The following MYO16 variants were observed in gnomAD, a reference collection of about 807,000 sequenced individuals.
The protein encoded by MYO16 is unconventional myosin-XVI.
Under a neutral mutation model 205.3 loss-of-function variants are expected in MYO16, and 94 were observed. The observed-to-expected ratio is 0.46, with a 90% CI of 0.39 to 0.54. The LOEUF (loss-of-function observed/expected upper bound fraction) is 0.54. Ranked by LOEUF, MYO16 falls within the 20% of genes least tolerant of loss-of-function variation. The pLI is 0.00. For synonymous variants in MYO16, 988 were observed against 954.0 expected (o/e 1.04, Z -0.66); for missense variants, 2,315 against 2,387.5 (o/e 0.97, Z 0.63).
intron 23 of MYO16, among the ~76,000 whole-genome samples, chr13:109,036,561 C>G (rs1886723906): frequency 6.6e-6 from 1 of 152,192 alleles, no homozygotes; most frequent in Non-Finnish European, 1.5e-5. Context: ...TTGGCATCCA[C>G]ACTGGAGCAT....
chr13:109,033,367 C>T (rs1020309500), intron 23 of MYO16, among the ~76,000 whole-genome samples: 1 of 152,154 alleles, frequency 6.6e-6, no homozygotes, highest in Non-Finnish European at 1.5e-5. Flanking sequence ...CCCTTTGCCT[C>T]GATCTGTCAG....
chr13:109,054,973 C>A, intron 25 of MYO16, 73 bp from the exon 26 acceptor site: 1 of 957,744 alleles, frequency 1.0e-6, no homozygotes. Flanking sequence ...TTCCTCCCTC[C>A]TTTTCCTCCT....
At chr13:108,826,752 A>G (rs1876291621) in intron 9 of MYO16, among the ~76,000 whole-genome samples, 1 of 152,214 alleles carries the variant, frequency 6.6e-6, no homozygotes, top group Middle Eastern at 3.2e-3. Context: ...AGAAGATACA[A>G]TCATAGCCCA....
intron 2 of MYO16, among the ~76,000 whole-genome samples, chr13:108,668,042 A>C (rs1214535342): frequency 6.6e-6 from 1 of 152,186 alleles, no homozygotes; most frequent in Non-Finnish European, 1.5e-5. Flanking sequence ...TGTCTCAAAA[A>C]CACTTCTTTT....
chr13:108,939,793 A>C (rs776037528), intron 16 of MYO16, among the ~76,000 whole-genome samples: 1 of 152,208 alleles, frequency 6.6e-6, no homozygotes, highest in Non-Finnish European at 1.5e-5. Flanking sequence ...TATCAATATA[A>C]GACACTGTGT....
intron 12 of MYO16, among the ~76,000 whole-genome samples, chr13:108,878,659 C>T (rs1336660026): frequency 6.6e-6 from 1 of 152,212 alleles, no homozygotes; most frequent in Non-Finnish European, 1.5e-5. Context: ...CCATGGACAG[C>T]AAAGCTAAAA....
intron 1 of MYO16, among the ~76,000 whole-genome samples, chr13:108,648,471 C>A: frequency 6.6e-6 from 1 of 152,104 alleles, no homozygotes; most frequent in South Asian, 2.1e-4. Flanking sequence ...GAAGAATTGA[C>A]TGACTGAAGG....
intron 7 of MYO16, among the ~76,000 whole-genome samples, chr13:108,813,443 A>G (rs937086828): frequency 2.0e-5 from 3 of 152,130 alleles, no homozygotes; most frequent in African/African-American, 7.2e-5. Context: ...ATTAAATTAA[A>G]TCAATCATTT....
chr13:108,539,869 G>A, the MYO16 span, among the ~76,000 whole-genome samples: 1 of 152,068 alleles, frequency 6.6e-6, no homozygotes, highest in South Asian at 2.1e-4. Flanking sequence ...GGGAGGAAAT[G>A]CACTTCTCTT....
chr13:108,527,450 C>T, the MYO16 span, among the ~76,000 whole-genome samples: 2 of 152,146 alleles, frequency 1.3e-5, no homozygotes, highest in African/African-American at 4.8e-5. Flanking sequence ...AAATTATTTG[C>T]ATGACTCCTT....
chr13:108,545,572 C>T, the MYO16 span, among the ~76,000 whole-genome samples: 4 of 152,206 alleles, frequency 2.6e-5, no homozygotes, highest in African/African-American at 7.2e-5. Context: ...TCACACATTG[C>T]CAAACTGCTT....
chr13:108,875,163 A>G (rs1227880811), intron 12 of MYO16, among the ~76,000 whole-genome samples: 1 of 152,194 alleles, frequency 6.6e-6, no homozygotes. Flanking sequence ...ATGAGCTAAA[A>G]TGGAGTGTTT....
intron 10 of MYO16, among the ~76,000 whole-genome samples, chr13:108,853,795 A>G (rs1878014568): frequency 6.6e-6 from 1 of 151,972 alleles, no homozygotes; most frequent in African/African-American, 2.4e-5. Context: ...TTAGTTTTTA[A>G]TAAGCATTCA....
At chr13:109,090,515 G>C (rs1016429163) in intron 27 of MYO16, among the ~76,000 whole-genome samples, 1 of 152,172 alleles carries the variant, frequency 6.6e-6, no homozygotes, top group African/African-American at 2.4e-5. Flanking sequence ...CTGATGCAGA[G>C]GACCCTCAGG....
chr13:109,165,047 T>C lies in MYO16; in HGVS notation c.5311T>C (p.Ser1771Pro). 6.3e-7 allele frequency: 1 copy of C among 1,594,430 alleles called. No homozygotes were observed. The highest frequency in any genetic ancestry group is 1.8e-5 in the Admixed American group (1 of 55,706). ...SSAITAENGNSISNGLPEEDG... is the reference protein window; with the variant it reads ...SSAITAENGNPISNGLPEEDG... Reference sequence around the variant, plus strand: ...TGCTATAACTGCTGAAAATGGAAATTCCATCTCAAATGGTAAGCACTTTTT... The same window carrying C: ...TGCTATAACTGCTGAAAATGGAAATCCCATCTCAAATGGTAAGCACTTTTT... The change falls in exon 33 of 35, where the codon TCC becomes CCC. Residue 1771 changes from serine to proline, a missense_variant. Ser to Pro is a moderately conservative substitution (Grantham distance 74). This residue lies in a region of MYO16 where 1,097 missense variants were observed against 1,092.0 expected (regional missense o/e 1.00). Transcript: ENST00000457511.
intron 20 of MYO16, among the ~76,000 whole-genome samples, chr13:108,992,111 T>C (rs1454406610): frequency 6.6e-6 from 1 of 152,188 alleles, no homozygotes; most frequent in Admixed American, 6.6e-5. Flanking sequence ...ATCCAGCATC[T>C]ATAAGGAACT....
At chr13:108,821,958 C>T (rs2893330) in intron 8 of MYO16, among the ~76,000 whole-genome samples, 3 of 151,854 alleles carry the variant, frequency 2.0e-5, no homozygotes, top group African/African-American at 4.8e-5. Flanking sequence ...TTATCACATG[C>T]AAAACGCAAA....
At chr13:108,662,800 T>C (rs1398185725) in intron 1 of MYO16, among the ~76,000 whole-genome samples, 1 of 152,124 alleles carries the variant, frequency 6.6e-6, no homozygotes, top group Admixed American at 6.5e-5. Context: ...ATGCTTCTCA[T>C]CCTGTTAAAA....
chr13:109,123,682 G>T (rs968911851), intron 29 of MYO16, among the ~76,000 whole-genome samples: 1 of 152,028 alleles, frequency 6.6e-6, no homozygotes, highest in Non-Finnish European at 1.5e-5. Context: ...TAAACCTTTA[G>T]TAGTGCCATC....
Sources: gnomAD v4.1 joint callset for allele counts (sites outside exome capture counted in the v4.1 genomes callset) on GRCh38, gnomAD v4.1.1 for gene constraint, gnomAD v4.1.1 regional missense constraint, MANE v1.5 for transcripts, NCBI Gene and HGNC (gene_info 2026-07-23, HGNC 2026-07-21) for gene names.